Variants in PACSIN2 observed in about 807,000 individuals in gnomAD.
The protein encoded by PACSIN2 is protein kinase C and casein kinase substrate in neurons protein 2.
A neutral mutation model predicts 63.8 loss-of-function variants in PACSIN2; 25 were observed. That is an observed-to-expected ratio of 0.39 (90% CI 0.29 to 0.55). PACSIN2 has a LOEUF of 0.55. Ranked by LOEUF, PACSIN2 falls within the 20% of genes least tolerant of loss-of-function variation. The probability of loss-of-function intolerance (pLI) is 0.62; values close to 1 mark genes in which losing one functional copy is unlikely to be tolerated. For missense variants in PACSIN2, 518 were observed against 646.9 expected (o/e 0.80, Z 2.16); for synonymous variants, 255 against 256.2 (o/e 1.00, Z 0.05).
At chr22:42,970,892 C>T (rs904030299) in intron 1 of PACSIN2, among the ~76,000 whole-genome samples, 4 of 152,150 alleles carry the variant, frequency 2.6e-5, no homozygotes, top group African/African-American at 9.7e-5. Flanking sequence ...CCTCCCCACG[C>T]CACCCACAGC....
intron 3 of PACSIN2, 81 bp from the exon 4 acceptor site, chr22:42,891,263 G>T: frequency 1.2e-6 from 1 of 867,916 alleles, no homozygotes; most frequent in Admixed American, 2.2e-5. Context: ...GCTGTTCAAT[G>T]TGGCCATTTA....
intron 2 of PACSIN2, among the ~76,000 whole-genome samples, chr22:42,909,065 T>C (rs1467683177): frequency 1.3e-5 from 2 of 152,186 alleles, no homozygotes; most frequent in Non-Finnish European, 2.9e-5. Context: ...CATGTCCCTG[T>C]GGGTAACCTC....
intron 1 of PACSIN2, among the ~76,000 whole-genome samples, chr22:42,951,058 T>G (rs1222827032): frequency 6.6e-6 from 1 of 152,098 alleles, no homozygotes; most frequent in Non-Finnish European, 1.5e-5. Context: ...TGGTGGAACA[T>G]GAAAGTCTGG....
chr22:42,872,669 C>T (rs930730894), intron 10 of PACSIN2, among the ~76,000 whole-genome samples: 3 of 152,248 alleles, frequency 2.0e-5, no homozygotes, highest in African/African-American at 7.2e-5. Flanking sequence ...GGACCAACTG[C>T]GTCCACTCCC....
intron 1 of PACSIN2, among the ~76,000 whole-genome samples, chr22:42,943,343 GT>G (rs2146808684): frequency 6.6e-6 from 1 of 152,204 alleles, no homozygotes; most frequent in South Asian, 2.1e-4. Flanking sequence ...AACAGAGAGT[GT>G]TTTACCTTTT....
chr22:42,889,399 C>CACACACACAT (rs1929742180), intron 4 of PACSIN2, among the ~76,000 whole-genome samples: 2 of 150,776 alleles, frequency 1.3e-5, no homozygotes, highest in South Asian at 4.2e-4. Context: ...CACACACACA[C>CACACACACAT]TCTTAACAGA....
In PACSIN2 at chr22:43,010,398, A is replaced by ATATATATATATATATATATATTTTTT; in HGVS notation, c.-78+4622_-78+4623insAAAAAATATATATATATATATATATA. Among the ~76,000 whole-genome samples the ATATATATATATATATATATATTTTTT allele has an allele frequency of 2.8e-3, 351 of 126,334 alleles. 1 individual carries two copies. The highest frequency in any genetic ancestry group is 4.9e-3 in the Non-Finnish European group (284 of 58,098). 82.9% of individuals were successfully genotyped at this position (126,334 alleles called of 152,430 possible). On this transcript the variant is annotated intron_variant, in intron 1 of 10. Coordinates refer to ENST00000263246, the MANE Select transcript of PACSIN2 (RefSeq NM_001184970.3). ...TGTTTAAAAATACATATATATATAT[A>ATATATATATATATATATATATTTTTT]TTTTTTTTTAATTGAAAATAAAAAA...
At chr22:42,946,529 G>T (rs552058586) in intron 1 of PACSIN2, among the ~76,000 whole-genome samples, 1 of 152,174 alleles carries the variant, frequency 6.6e-6, no homozygotes, top group African/African-American at 2.4e-5. Context: ...CAGCCTGGGG[G>T]AAAGAGCAAA....
intron 1 of PACSIN2, among the ~76,000 whole-genome samples, chr22:43,005,475 G>C (rs1474252191): frequency 6.6e-6 from 1 of 152,186 alleles, no homozygotes; most frequent in South Asian, 2.1e-4. Context: ...GCTTACAAAA[G>C]GTGGTGGGGA....
At chr22:42,921,176 G>T (rs977912889) in intron 1 of PACSIN2, among the ~76,000 whole-genome samples, 1 of 151,794 alleles carries the variant, frequency 6.6e-6, no homozygotes, top group Non-Finnish European at 1.5e-5. Flanking sequence ...TGGCTAACAC[G>T]GTGAAACCCT....
chr22:42,957,363 T>C (rs1187819668), intron 1 of PACSIN2, among the ~76,000 whole-genome samples: 1 of 152,256 alleles, frequency 6.6e-6, no homozygotes, highest in Non-Finnish European at 1.5e-5. Flanking sequence ...CTTCAAGGCA[T>C]ATATTCTAAA....
At position 42,879,181 on chromosome 22, in the gene PACSIN2, G is replaced by A. The variant is rs1928887025; in HGVS notation, c.907-12C>T. On this transcript the variant is annotated splice_polypyrimidine_tract_variant and intron_variant, in intron 7 of 10. Transcript: ENST00000263246. ...TCTGCGGACCACTCCTAGGCAACAG[G>A]TGCCGAGGGAGAGAAACCAAAGGTT... 2 of 1,611,056 alleles carry A rather than the reference G, an allele frequency of 1.2e-6. No individual in the cohort carries two copies. The highest frequency in any genetic ancestry group is 1.7e-6 in the Non-Finnish European group (2 of 1,178,494).
At chr22:42,988,341 G>A (rs958348684) in intron 1 of PACSIN2, among the ~76,000 whole-genome samples, 1 of 152,192 alleles carries the variant, frequency 6.6e-6, no homozygotes, top group African/African-American at 2.4e-5. Flanking sequence ...GTGAGGGGTG[G>A]GGGGCACGTC....
At chr22:43,004,189 C>T (rs571612330) in intron 1 of PACSIN2, among the ~76,000 whole-genome samples, 1 of 152,252 alleles carries the variant, frequency 6.6e-6, no homozygotes, top group Non-Finnish European at 1.5e-5. Context: ...TGATGGTGAC[C>T]CTCTGAAGGC....
intron 1 of PACSIN2, among the ~76,000 whole-genome samples, chr22:42,925,526 T>C (rs1438314907): frequency 6.6e-6 from 1 of 150,378 alleles, no homozygotes; most frequent in Non-Finnish European, 1.5e-5. Context: ...CAGGGACAAA[T>C]GTCAGCTGTG....
intron 1 of PACSIN2, among the ~76,000 whole-genome samples, chr22:42,972,391 C>T (rs1272548877): frequency 1.3e-5 from 2 of 152,194 alleles, no homozygotes; most frequent in African/African-American, 4.8e-5. Flanking sequence ...GGTCCTCTGC[C>T]TAGGAAAACC....
intron 1 of PACSIN2, among the ~76,000 whole-genome samples, chr22:42,920,804 T>A (rs1386100914): frequency 1.4e-5 from 2 of 138,392 alleles, no homozygotes; most frequent in Non-Finnish European, 3.1e-5. Context: ...TTTTTTTTTT[T>A]TTTTTTTTTT....
At chr22:42,964,705 C>A (rs149001083) in intron 1 of PACSIN2, among the ~76,000 whole-genome samples, 279 of 152,150 alleles carry the variant, frequency 1.8e-3, no homozygotes, top group African/African-American at 6.2e-3. Context: ...CCAGGTGATC[C>A]ATCGGCAGCA....
chr22:42,971,742 C>T (rs1021465195), intron 1 of PACSIN2, among the ~76,000 whole-genome samples: 1 of 151,830 alleles, frequency 6.6e-6, no homozygotes, highest in Non-Finnish European at 1.5e-5. Flanking sequence ...CGGCAGCCGC[C>T]CCGTCCGGGA....
Sources: allele counts gnomAD v4.1 joint callset (sites outside exome capture counted in the v4.1 genomes callset), GRCh38; gene constraint gnomAD v4.1.1; transcripts MANE v1.5; gene names NCBI Gene and HGNC (gene_info 2026-07-23, HGNC 2026-07-21).